Variants in EFR3A observed in about 807,000 individuals in gnomAD.
EFR3A encodes EFR3 homolog A, also known as protein EFR3 homolog A.
In EFR3A, 76 loss-of-function variants were observed where a neutral mutation model predicts 104.4. The observed-to-expected ratio is 0.73, with a 90% CI of 0.60 to 0.88. EFR3A has a LOEUF of 0.88. Among genes scored for constraint, EFR3A ranks in the 40% least tolerant of loss-of-function variants. The pLI is 0.00. For missense variants in EFR3A, 985 were observed against 1,012.5 expected, an observed-to-expected ratio of 0.97 and a Z score of 0.37; for synonymous variants, 330 against 330.0, an observed-to-expected ratio of 1.00 and a Z score of 0.00.
Position 131,978,852 on chromosome 8 carries a change from C to A in EFR3A, c.1332C>A (p.Thr444=). 6.3e-7 allele frequency: 1 copy of A among 1,588,354 alleles called. No homozygotes were observed. ...IMLLRSLLMV[T]SGYKAKTIVT... ...GTTTTCTTCTCGATAATCAGGTGACCTCTGGATATAAAGCGAAGACGATTG... is the reference window on the plus strand; with the variant it reads ...GTTTTCTTCTCGATAATCAGGTGACATCTGGATATAAAGCGAAGACGATTG... Residue 444 remains threonine, a synonymous_variant, in exon 13 of 23, where the codon ACC becomes ACA. Transcript: ENST00000254624.
Position 131,904,338 on chromosome 8 carries a change from A to AGGGCCGG in EFR3A, c.10+21_10+27dup, listed in dbSNP as rs1816131264. The AGGGCCGG allele has an allele frequency of 2.2e-5, 28 of 1,250,176 alleles. No homozygotes were observed. The highest frequency in any genetic ancestry group is 2.8e-5 in the Non-Finnish European group (28 of 996,336). The allele number at this position is 1,250,176 out of a possible 1,614,324, so 77.4% of individuals were successfully genotyped here. A position where few individuals can be genotyped will look rare whatever the true frequency, so the allele number is the denominator to read the frequency against. ...ATGCCTACCCGTGAGTGGCCGGCCG[A>AGGGCCGG]GGGCCGGGGGCGTTGGGAGGCGACT... On this transcript the variant is annotated intron_variant, in intron 1 of 22. Coordinates refer to ENST00000254624, the MANE Select transcript of EFR3A (RefSeq NM_015137.6).
At chr8:131,998,310 A>G (rs1179039585) in intron 19 of EFR3A, among the ~76,000 whole-genome samples, 1 of 152,134 alleles carries the variant, frequency 6.6e-6, no homozygotes, top group East Asian at 1.9e-4. Flanking sequence ...AAAATGAATC[A>G]GATAAGAACA....
chr8:131,906,629 C>A (rs1175889396), intron 1 of EFR3A, among the ~76,000 whole-genome samples: 1 of 152,164 alleles, frequency 6.6e-6, no homozygotes. Context: ...AATGATATAT[C>A]TCATGAATAT....
intron 14 of EFR3A, among the ~76,000 whole-genome samples, chr8:131,980,943 A>G (rs992961434): frequency 2.0e-5 from 3 of 151,962 alleles, no homozygotes; most frequent in African/African-American, 7.2e-5. Context: ...TTGACCTAGC[A>G]TAATGTCCTC....
intron 1 of EFR3A, among the ~76,000 whole-genome samples, chr8:131,936,531 T>C (rs1202597516): frequency 6.6e-6 from 1 of 151,118 alleles, no homozygotes; most frequent in Non-Finnish European, 1.5e-5. Context: ...ACACACATGC[T>C]CTCTCTGTCT....
chr8:131,940,627 C>A, intron 2 of EFR3A, 52 bp downstream of exon 2: 1 of 1,564,556 alleles, frequency 6.4e-7, no homozygotes, highest in Non-Finnish European at 8.7e-7. Context: ...CATTCTGCCC[C>A]CCGCTGACCT....
intron 1 of EFR3A, chr8:131,940,142 CTG>C (rs1818090282): frequency 9.7e-6 from 2 of 205,440 alleles, no homozygotes; most frequent in Admixed American, 5.3e-5. Flanking sequence ...AGGGAGACCA[CTG>C]TGGCTTGAGT....
intron 14 of EFR3A, among the ~76,000 whole-genome samples, chr8:131,980,804 T>C (rs1361826319): frequency 6.6e-6 from 1 of 151,944 alleles, no homozygotes; most frequent in East Asian, 1.9e-4. Context: ...ATCAATAATC[T>C]CTCCATACCC....
chr8:132,008,872 A>AAAAAAAAAAAAAAAC (rs1822177579), intron 22 of EFR3A, among the ~76,000 whole-genome samples: 1 of 148,808 alleles, frequency 6.7e-6, no homozygotes, highest in Admixed American at 6.7e-5. Context: ...AAAAAAAAAA[A>AAAAAAAAAAAAAAAC]AAGAAAGTGT....
chr8:131,914,484 A>G (rs1453693039), intron 1 of EFR3A, among the ~76,000 whole-genome samples: 1 of 152,164 alleles, frequency 6.6e-6, no homozygotes, highest in Non-Finnish European at 1.5e-5. Context: ...GAATACAATC[A>G]GTGAGGGTGG....
chr8:131,921,666 A>G (rs1460853860), intron 1 of EFR3A, among the ~76,000 whole-genome samples: 1 of 152,160 alleles, frequency 6.6e-6, no homozygotes, highest in African/African-American at 2.4e-5. Flanking sequence ...AGTGAAGTGT[A>G]TGTGGCACTT....
rs555505694 is a variant in EFR3A, at chr8:131,970,675, G to C, written c.1159+32G>C. ...ACATTTCACTTTTCAAAACTATCAT[G>C]TAAAACAGTGATTTACAAAGCTCTC... On this transcript the variant is annotated intron_variant, in intron 10 of 22. Transcript: ENST00000254624. 23 of 1,587,632 alleles carry C rather than the reference G, an allele frequency of 1.4e-5. No homozygotes were observed. In the South Asian group the frequency reaches 2.1e-4, roughly 15 times the overall value.
chr8:131,955,354 T>C (rs1818923250), intron 6 of EFR3A, among the ~76,000 whole-genome samples: 1 of 152,170 alleles, frequency 6.6e-6, no homozygotes, highest in Admixed American at 6.5e-5. Flanking sequence ...CTTTTAAATT[T>C]TATTTTTTAT....
chr8:132,008,278 G>A (rs1441504322), intron 22 of EFR3A, among the ~76,000 whole-genome samples: 4 of 151,952 alleles, frequency 2.6e-5, no homozygotes, highest in African/African-American at 4.8e-5. Context: ...TGTTTGAATC[G>A]CCAATAAGCA....
At position 132,010,950 on chromosome 8, in the gene EFR3A, G is replaced by T; in HGVS notation, c.*55G>T. The T allele has an allele frequency of 6.6e-7, 1 of 1,509,662 alleles. No individual in the cohort carries two copies. Among genetic ancestry groups the T allele is most frequent in the Non-Finnish European group, 9.0e-7 (1 of 1,110,408 alleles). The allele number at this position is 1,509,662 out of a possible 1,614,324, so 93.5% of individuals were successfully genotyped here. A position where few individuals can be genotyped will look rare whatever the true frequency, so the allele number is the denominator to read the frequency against. ...TGTAAAGCCTAAAAATTAAGGCCAAGCTGAGCTTTCAGGGTTTACTTAATG... is the reference window on the plus strand; with the variant it reads ...TGTAAAGCCTAAAAATTAAGGCCAATCTGAGCTTTCAGGGTTTACTTAATG... On this transcript the variant is annotated 3_prime_UTR_variant, in exon 23 of 23. Coordinates refer to ENST00000254624, the MANE Select transcript of EFR3A (RefSeq NM_015137.6).
At chr8:131,928,474 TAGC>T in intron 1 of EFR3A, among the ~76,000 whole-genome samples, 1 of 152,164 alleles carries the variant, frequency 6.6e-6, no homozygotes, top group East Asian at 1.9e-4. Context: ...GTATTTTAGA[TAGC>T]AGACTTTTAT....
chr8:132,010,729 C>T (rs1822300582), intron 22 of EFR3A, 61 bp from the exon 23 acceptor site: 1 of 1,563,994 alleles, frequency 6.4e-7, no homozygotes, highest in Non-Finnish European at 8.7e-7. Flanking sequence ...AGATAGAATA[C>T]TCGGTGAAAT....
chr8:131,977,871 CTT>C (rs1325618216), intron 12 of EFR3A, among the ~76,000 whole-genome samples: 1 of 151,930 alleles, frequency 6.6e-6, no homozygotes, highest in Non-Finnish European at 1.5e-5. Flanking sequence ...TCATTTGTAT[CTT>C]ATATAAGAAC....
At chr8:131,982,389 G>A (rs1463909094) in intron 14 of EFR3A, among the ~76,000 whole-genome samples, 1 of 151,764 alleles carries the variant, frequency 6.6e-6, no homozygotes, top group Non-Finnish European at 1.5e-5. Context: ...TTCTTTTGTT[G>A]TCAGACATTT....
Sources: allele counts gnomAD v4.1 joint callset (sites outside exome capture counted in the v4.1 genomes callset), GRCh38; gene constraint gnomAD v4.1.1; transcripts MANE v1.5; gene names NCBI Gene and HGNC (gene_info 2026-07-23, HGNC 2026-07-21).